The following ARHGAP24 variants were observed in gnomAD, a reference collection of about 807,000 sequenced individuals.
ARHGAP24 encodes the protein rho GTPase-activating protein 24.
In ARHGAP24, 50 loss-of-function variants were observed where a neutral mutation model predicts 76.4. The observed-to-expected ratio is 0.65, with a 90% CI of 0.52 to 0.83. The LOEUF is 0.83. Among genes scored for constraint, ARHGAP24 ranks in the 40% least tolerant of loss-of-function variants. The probability of loss-of-function intolerance (pLI) is 0.00; values close to 1 mark genes in which losing one functional copy is unlikely to be tolerated. For missense variants in ARHGAP24, 930 were observed against 914.2 expected, an observed-to-expected ratio of 1.02 and a Z score of -0.22; for synonymous variants, 345 against 323.3, an observed-to-expected ratio of 1.07 and a Z score of -0.72.
intron 3 of ARHGAP24, among the ~76,000 whole-genome samples, chr4:85,841,996 G>A (rs2110150065): frequency 6.9e-6 from 1 of 145,408 alleles, no homozygotes; most frequent in South Asian, 2.1e-4. Flanking sequence ...TAGCAGAAAT[G>A]TGCCTCTCAA....
intron 3 of ARHGAP24, among the ~76,000 whole-genome samples, chr4:85,765,780 G>A (rs940073439): frequency 2.0e-4 from 30 of 152,136 alleles, no homozygotes; most frequent in African/African-American, 5.8e-4. Flanking sequence ...CTTTTCCTAT[G>A]AAAAGTACAT....
At chr4:85,564,462 AG>A (rs567199426) in intron 1 of ARHGAP24, among the ~76,000 whole-genome samples, 914 of 25,370 alleles carry the variant, frequency 0.036, 8 homozygotes, top group Non-Finnish European at 0.084. Context: ...TAATGGGTGC[AG>A]CACACCAACA....
At chr4:85,750,508 T>TTTG (rs1726219055) in intron 3 of ARHGAP24, among the ~76,000 whole-genome samples, 1 of 125,076 alleles carries the variant, frequency 8.0e-6, no homozygotes, top group African/African-American at 3.0e-5. Context: ...TTTTTTTTTT[T>TTTG]TTTTTTTGAG....
At chr4:85,601,693 C>T (rs1268624574) in intron 2 of ARHGAP24, among the ~76,000 whole-genome samples, 8 of 151,906 alleles carry the variant, frequency 5.3e-5, no homozygotes, top group Admixed American at 5.2e-4. Flanking sequence ...TGAATTTTGG[C>T]ATTTTCTATA....
chr4:85,992,764 C>T lies in ARHGAP24; in HGVS notation c.929-1819C>T, dbSNP rs574314554. Among the ~76,000 whole-genome samples, 3 of 151,946 alleles carry T rather than the reference C, an allele frequency of 2.0e-5. No individual in the cohort carries two copies. In the South Asian group the frequency reaches 6.2e-4, roughly 32 times the overall value. On this transcript the variant is annotated intron_variant, in intron 8 of 9. Transcript: ENST00000395184. ...AAATATGATGACAAATTCGGAGATT[C>T]CTAAAAGAGAAAAGAAGGCTATATA...
intron 2 of ARHGAP24, among the ~76,000 whole-genome samples, chr4:85,700,277 C>T: frequency 6.6e-6 from 1 of 151,894 alleles, no homozygotes; most frequent in East Asian, 1.9e-4. Context: ...TGCCTGTAAT[C>T]CCAGCTACTG....
intron 3 of ARHGAP24, among the ~76,000 whole-genome samples, chr4:85,755,206 G>A (rs887158711): frequency 9.9e-5 from 15 of 152,112 alleles, no homozygotes; most frequent in African/African-American, 2.4e-5. Context: ...ATCATAAAAT[G>A]TAACTTTTTT....
At chr4:85,631,546 T>G (rs968385629) in intron 2 of ARHGAP24, among the ~76,000 whole-genome samples, 2 of 152,146 alleles carry the variant, frequency 1.3e-5, no homozygotes, top group Non-Finnish European at 2.9e-5. Context: ...TATTAGCATT[T>G]TCAGAATGTA....
chr4:85,984,968 C>T (rs1466896233), intron 8 of ARHGAP24, among the ~76,000 whole-genome samples: 1 of 151,916 alleles, frequency 6.6e-6, no homozygotes, highest in East Asian at 1.9e-4. Context: ...TTTATAGGCA[C>T]CTGCGACCAC....
chr4:85,778,655 T>C (rs1328284335), intron 3 of ARHGAP24: 3 of 978,684 alleles, frequency 3.1e-6, no homozygotes, highest in Non-Finnish European at 2.4e-6. Flanking sequence ...ATTTAAGGTA[T>C]ATTTCCTTGT....
chr4:85,768,006 C>G (rs560902450), intron 3 of ARHGAP24, among the ~76,000 whole-genome samples: 24 of 152,138 alleles, frequency 1.6e-4, no homozygotes, highest in African/African-American at 5.5e-4. Flanking sequence ...AGTGTTTTAC[C>G]AAGGTGGGAA....
At chr4:85,958,371 T>C (rs1475570901) in intron 5 of ARHGAP24, among the ~76,000 whole-genome samples, 1 of 152,164 alleles carries the variant, frequency 6.6e-6, no homozygotes, top group African/African-American at 2.4e-5. Flanking sequence ...AGTATGATGA[T>C]GGGGATAATG....
intron 3 of ARHGAP24, among the ~76,000 whole-genome samples, chr4:85,862,986 A>G (rs2110178911): frequency 6.6e-6 from 1 of 152,246 alleles, no homozygotes; most frequent in South Asian, 2.1e-4. Flanking sequence ...TAAAACAGGC[A>G]AGTAAATAAG....
At chr4:85,579,853 G>T (rs1028412986) in intron 2 of ARHGAP24, among the ~76,000 whole-genome samples, 1 of 151,844 alleles carries the variant, frequency 6.6e-6, no homozygotes, top group African/African-American at 2.4e-5. Flanking sequence ...TCCATTTGTC[G>T]GTTGATGGAC....
At chr4:85,951,537 T>G (rs940796207) in intron 5 of ARHGAP24, among the ~76,000 whole-genome samples, 4 of 152,178 alleles carry the variant, frequency 2.6e-5, no homozygotes, top group African/African-American at 9.7e-5. Context: ...CTGAAGAGCA[T>G]CTGTGTTCTT....
intron 3 of ARHGAP24, among the ~76,000 whole-genome samples, chr4:85,897,025 A>G (rs1023447834): frequency 2.0e-5 from 3 of 152,170 alleles, no homozygotes; most frequent in Non-Finnish European, 4.4e-5. Context: ...CGTGCAGCAT[A>G]CTGAGAACTT....
intron 2 of ARHGAP24, among the ~76,000 whole-genome samples, chr4:85,614,588 CTATTGAAAAAAATATTTTAAT>C (rs1720489574): frequency 1.3e-5 from 2 of 151,970 alleles, no homozygotes; most frequent in South Asian, 4.1e-4. Context: ...TGAAAGAAAG[CTATTGAAAAAAATATTTTAAT>C]TATTGACCAT....
rs987051412 is a variant in ARHGAP24, at chr4:85,942,142, G to A, written c.468G>A (p.Val156=). The A allele has an allele frequency of 1.2e-6, 2 of 1,614,032 alleles. No individual in the cohort carries two copies. Among genetic ancestry groups the A allele is most frequent in the Non-Finnish European group, 1.7e-6 (2 of 1,180,018 alleles). Residue 156 remains valine, a synonymous_variant, in exon 5 of 10, where the codon GTG becomes GTA. Coordinates refer to ENST00000395184, the MANE Select transcript of ARHGAP24 (RefSeq NM_001025616.3). ...GGAACCGTCTGGCTCCGATGTTGGT[G>A]GAGCAGTGCGTGGACTTTATCCGAC... is the stretch of plus-strand genomic sequence containing the variant. ...RYGNRLAPML[V]EQCVDFIRQR...
intron 3 of ARHGAP24, among the ~76,000 whole-genome samples, chr4:85,795,356 A>G (rs1000732091): frequency 6.6e-6 from 1 of 152,092 alleles, no homozygotes; most frequent in Non-Finnish European, 1.5e-5. Flanking sequence ...AATATGGTGT[A>G]TTGGTTGTAG....
Sources: allele counts gnomAD v4.1 joint callset (sites outside exome capture counted in the v4.1 genomes callset), GRCh38; gene constraint gnomAD v4.1.1; transcripts MANE v1.5; gene names NCBI Gene and HGNC (gene_info 2026-07-23, HGNC 2026-07-21).